KIRREL1: variants seen among roughly 807,000 people sequenced by gnomAD.
KIRREL1 encodes the protein kin of IRRE-like protein 1.
KIRREL1 carries 25 observed loss-of-function variants against 83.3 expected under a neutral mutation model. That is an observed-to-expected ratio of 0.30 (90% CI 0.22 to 0.42). The LOEUF is 0.42. KIRREL1 is among the 10% of genes least tolerant of loss of function. The pLI, the probability that KIRREL1 is intolerant of heterozygous loss-of-function variation, is 1.00. For missense variants in KIRREL1, 812 were observed against 1,032.3 expected (o/e 0.79, Z 2.92); for synonymous variants, 388 against 410.4 (o/e 0.95, Z 0.66).
At chr1:158,082,944 A>G (rs1266168319) in intron 3 of KIRREL1, among the ~76,000 whole-genome samples, 4 of 152,210 alleles carry the variant, frequency 2.6e-5, no homozygotes, top group Admixed American at 6.5e-5. Flanking sequence ...CAGAAAAATT[A>G]TAATCAAAAT....
At chr1:158,067,555 G>A (rs902317556) in intron 1 of KIRREL1, among the ~76,000 whole-genome samples, 1 of 152,228 alleles carries the variant, frequency 6.6e-6, no homozygotes, top group African/African-American at 2.4e-5. Flanking sequence ...AGATGGGAAG[G>A]CCCTTGGGGG....
intron 1 of KIRREL1, among the ~76,000 whole-genome samples, chr1:158,000,390 C>G (rs1659328163): frequency 1.3e-5 from 2 of 152,148 alleles, no homozygotes; most frequent in African/African-American, 4.8e-5. Flanking sequence ...TTTTGCCTTG[C>G]CTTGCATGCC....
rs770391315 is a variant in KIRREL1 at position 158,087,819 on chromosome 1, T to C, written c.726T>C (p.Phe242=). The C allele has an allele frequency of 1.0e-4, 164 of 1,613,798 alleles. No homozygotes were observed. Among genetic ancestry groups the C allele is most frequent in the Non-Finnish European group, 1.3e-4 (158 of 1,179,934 alleles). Residue 242 remains phenylalanine, a synonymous_variant, in exon 6 of 15, where the codon TTT becomes TTC. Transcript: ENST00000359209. ...QTVQEGERVV[F]TCQATANPEI... ...TGCAGGAGGGTGAGCGTGTTGTCTTTACCTGCCAGGCCACAGCCAACCCCG... is the reference window on the plus strand; with the variant it reads ...TGCAGGAGGGTGAGCGTGTTGTCTTCACCTGCCAGGCCACAGCCAACCCCG...
intron 2 of KIRREL1, 138 bp downstream of exon 2, chr1:158,076,400 C>A: frequency 1.3e-6 from 1 of 759,006 alleles, no homozygotes; most frequent in Non-Finnish European, 2.2e-6. Flanking sequence ...TCTGTCTCTG[C>A]TACTGAGCTC....
intron 1 of KIRREL1, among the ~76,000 whole-genome samples, chr1:158,013,262 G>A (rs1659736592): frequency 6.6e-6 from 1 of 152,156 alleles, no homozygotes; most frequent in South Asian, 2.1e-4. Context: ...CATAAGCTGC[G>A]ACTGACCTGT....
intron 1 of KIRREL1, among the ~76,000 whole-genome samples, chr1:158,067,854 C>T (rs898125653): frequency 6.6e-6 from 1 of 152,230 alleles, no homozygotes; most frequent in Non-Finnish European, 1.5e-5. Context: ...CCAGCCCCTC[C>T]AGCCAGCCGC....
chr1:158,100,116 A>G lies in KIRREL1; in HGVS notation c.*4996A>G, dbSNP rs1294608651. On this transcript the variant is annotated 3_prime_UTR_variant, in exon 15 of 15. Coordinates refer to ENST00000359209, the MANE Select transcript of KIRREL1 (RefSeq NM_018240.7). ...CCATTGTAGGTTTTTAGCAATGTGT[A>G]TCTGTGTGTCCCTCACACCTTTTCC... is the stretch of plus-strand genomic sequence containing the variant. The G allele has an allele frequency of 4.6e-5, 7 of 152,000 alleles. No individual in the cohort carries two copies. The East Asian group carries it at 1.3e-3, about 29-fold the overall frequency. 9.4% of individuals were successfully genotyped at this position (152,000 alleles called of 1,614,324 possible). A position where few individuals can be genotyped will look rare whatever the true frequency, so the allele number is the denominator to read the frequency against.
intron 1 of KIRREL1, among the ~76,000 whole-genome samples, chr1:157,995,729 G>A (rs1364786860): frequency 6.6e-6 from 1 of 152,134 alleles, no homozygotes; most frequent in African/African-American, 2.4e-5. Context: ...GAGTGGCTAG[G>A]GAATGCTGAG....
At chr1:158,073,108 TG>T (rs1661565857) in intron 1 of KIRREL1, among the ~76,000 whole-genome samples, 1 of 152,172 alleles carries the variant, frequency 6.6e-6, no homozygotes, top group Non-Finnish European at 1.5e-5. Flanking sequence ...GATTCTATGT[TG>T]GCTGCAGGGG....
chr1:158,018,784 C>T (rs976874392), intron 1 of KIRREL1, among the ~76,000 whole-genome samples: 1 of 152,138 alleles, frequency 6.6e-6, no homozygotes, highest in Non-Finnish European at 1.5e-5. Flanking sequence ...AGTTTGAGAA[C>T]CATTTGTGGC....
At chr1:158,049,044 C>A (rs1660846887) in intron 1 of KIRREL1, among the ~76,000 whole-genome samples, 1 of 151,982 alleles carries the variant, frequency 6.6e-6, no homozygotes, top group South Asian at 2.1e-4. Flanking sequence ...TTGGGTTGCA[C>A]TAAAGAAGAA....
chr1:158,062,489 A>T (rs1310630916), intron 1 of KIRREL1, among the ~76,000 whole-genome samples: 2 of 152,250 alleles, frequency 1.3e-5, no homozygotes, highest in South Asian at 4.1e-4. Flanking sequence ...CGCAGAATTG[A>T]TCCAGATGAC....
At chr1:158,012,591 G>A (rs143980285) in intron 1 of KIRREL1, among the ~76,000 whole-genome samples, 143 of 152,262 alleles carry the variant, frequency 9.4e-4, no homozygotes, top group African/African-American at 3.3e-3. Context: ...AGGGACCTGA[G>A]TTCACATTCC....
At chr1:158,021,399 A>C (rs1660000416) in intron 1 of KIRREL1, among the ~76,000 whole-genome samples, 1 of 152,128 alleles carries the variant, frequency 6.6e-6, no homozygotes. Context: ...GGTATTATGG[A>C]AGGAGCCCTG....
intron 1 of KIRREL1, among the ~76,000 whole-genome samples, chr1:158,070,100 G>A (rs1032419959): frequency 2.6e-5 from 4 of 152,224 alleles, no homozygotes; most frequent in African/African-American, 9.7e-5. Context: ...GCTATAAAGT[G>A]CTGGCCAGCC....
intron 2 of KIRREL1, among the ~76,000 whole-genome samples, chr1:158,077,423 G>T (rs1661710630): frequency 1.3e-5 from 2 of 152,156 alleles, no homozygotes; most frequent in South Asian, 4.1e-4. Flanking sequence ...AGCGGGTGGG[G>T]GAGCCTGGAG....
At chr1:158,075,200 C>T (rs1174749373) in intron 1 of KIRREL1, among the ~76,000 whole-genome samples, 1 of 152,172 alleles carries the variant, frequency 6.6e-6, no homozygotes, top group Non-Finnish European at 1.5e-5. Context: ...GAGAAAAAAC[C>T]CGCAATGCAA....
intron 1 of KIRREL1, among the ~76,000 whole-genome samples, chr1:158,070,879 G>T (rs555568058): frequency 1.3e-5 from 2 of 152,200 alleles, no homozygotes; most frequent in African/African-American, 4.8e-5. Flanking sequence ...GGGTCCCTCT[G>T]TGCTCCTCTC....
chr1:158,069,302 TTGTGTGTG>T (rs57076623), intron 1 of KIRREL1, among the ~76,000 whole-genome samples: 2,025 of 143,036 alleles, frequency 0.014, 22 homozygotes, highest in Middle Eastern at 0.046. Flanking sequence ...TATGACGTAC[TTGTGTGTG>T]TGTGTGTGTG....
Sources: allele counts gnomAD v4.1 joint callset (sites outside exome capture counted in the v4.1 genomes callset), GRCh38; gene constraint gnomAD v4.1.1; transcripts MANE v1.5; gene names NCBI Gene and HGNC (gene_info 2026-07-23, HGNC 2026-07-21).